Variants in ANKFN1 observed in about 807,000 individuals in gnomAD.
ANKFN1 encodes the protein ankyrin repeat and fibronectin type-III domain-containing protein 1.
ANKFN1 carries 74 observed loss-of-function variants against 108.7 expected under a neutral mutation model. The observed-to-expected ratio is 0.68, with a 90% CI of 0.56 to 0.83. ANKFN1 has a LOEUF of 0.83. ANKFN1 is among the 40% of genes least tolerant of loss of function. The pLI, the probability that ANKFN1 is intolerant of heterozygous loss-of-function variation, is 0.00. For missense variants in ANKFN1, 1,505 were observed against 1,382.3 expected, an observed-to-expected ratio of 1.09 and a Z score of -1.41; for synonymous variants, 547 against 516.2, an observed-to-expected ratio of 1.06 and a Z score of -0.81.
intron 3 of ANKFN1, among the ~76,000 whole-genome samples, chr17:56,250,508 T>C (rs1567863547): frequency 1.3e-5 from 2 of 152,234 alleles, no homozygotes; most frequent in Non-Finnish European, 2.9e-5. Flanking sequence ...CCAGGGAGCT[T>C]GATATTAATA....
chr17:56,087,871 C>A (rs1231273430), intron 4 of ANKFN1, among the ~76,000 whole-genome samples: 1 of 151,238 alleles, frequency 6.6e-6, no homozygotes, highest in African/African-American at 2.4e-5. Context: ...GCCTACAAAG[C>A]CCTTTACAGA....
chr17:56,051,627 T>C (rs1904776899), intron 4 of ANKFN1, among the ~76,000 whole-genome samples: 1 of 138,484 alleles, frequency 7.2e-6, no homozygotes, highest in Admixed American at 7.2e-5. Flanking sequence ...GGAAGTCAAA[T>C]TGTCCCTGTT....
chr17:56,132,237 A>G (rs1469330305), intron 4 of ANKFN1, among the ~76,000 whole-genome samples: 1 of 152,176 alleles, frequency 6.6e-6, no homozygotes, highest in Non-Finnish European at 1.5e-5. Context: ...CTCTCAGCTC[A>G]TTGAGGATGC....
At chr17:56,113,187 A>G (rs973968351) in intron 4 of ANKFN1, among the ~76,000 whole-genome samples, 9 of 152,194 alleles carry the variant, frequency 5.9e-5, no homozygotes, top group Admixed American at 2.0e-4. Flanking sequence ...CCTGGTGGGT[A>G]GAAAATCACA....
intron 1 of ANKFN1, among the ~76,000 whole-genome samples, chr17:56,154,710 G>GTTCCT (rs1908933032): frequency 6.6e-6 from 1 of 151,892 alleles, no homozygotes; most frequent in African/African-American, 2.4e-5. Flanking sequence ...TTTGGGGACA[G>GTTCCT]GAACTATACA....
At chr17:56,168,280 T>A (rs1040912837) in intron 1 of ANKFN1, among the ~76,000 whole-genome samples, 1 of 148,504 alleles carries the variant, frequency 6.7e-6, no homozygotes, top group Admixed American at 6.7e-5. Flanking sequence ...AAAAGGCTGA[T>A]GAGGATAATA....
At chr17:56,164,653 T>A (rs1458522531) in intron 1 of ANKFN1, among the ~76,000 whole-genome samples, 2 of 152,220 alleles carry the variant, frequency 1.3e-5, no homozygotes, top group Non-Finnish European at 2.9e-5. Flanking sequence ...GCAAAGTCTT[T>A]TTAACACAGT....
At chr17:56,425,406 A>G (rs1462892410) in intron 8 of ANKFN1, among the ~76,000 whole-genome samples, 1 of 152,156 alleles carries the variant, frequency 6.6e-6, no homozygotes, top group Non-Finnish European at 1.5e-5. Context: ...ACTCTCTCCA[A>G]TTTTCCTCCT....
chr17:56,266,585 G>T (rs2043658160), intron 3 of ANKFN1, among the ~76,000 whole-genome samples: 1 of 152,120 alleles, frequency 6.6e-6, no homozygotes, highest in Admixed American at 6.5e-5. Context: ...AGTGTGTCAG[G>T]CTACATGACC....
intron 3 of ANKFN1, among the ~76,000 whole-genome samples, chr17:56,262,182 G>A (rs2043528758): frequency 6.6e-6 from 1 of 152,260 alleles, no homozygotes; most frequent in African/African-American, 2.4e-5. Context: ...AGCTAGAGAG[G>A]ATTGAAGGCT....
chr17:56,387,823 T>C (rs1183278851), intron 8 of ANKFN1, among the ~76,000 whole-genome samples: 1 of 152,216 alleles, frequency 6.6e-6, no homozygotes, highest in Non-Finnish European at 1.5e-5. Context: ...TGCTGTCTTT[T>C]CTCTACCTGT....
intron 3 of ANKFN1, among the ~76,000 whole-genome samples, chr17:56,248,006 T>G (rs2043155880): frequency 6.6e-6 from 1 of 152,200 alleles, no homozygotes; most frequent in Non-Finnish European, 1.5e-5. Context: ...ATGCAACACA[T>G]TGTCATTTCA....
intron 3 of ANKFN1, among the ~76,000 whole-genome samples, chr17:56,277,910 T>A (rs2043975670): frequency 6.6e-6 from 1 of 152,188 alleles, no homozygotes; most frequent in Non-Finnish European, 1.5e-5. Context: ...AGTGGCATCA[T>A]CACAGGTGAC....
At chr17:56,055,047 G>A (rs1904843292) in intron 4 of ANKFN1, among the ~76,000 whole-genome samples, 1 of 151,448 alleles carries the variant, frequency 6.6e-6, no homozygotes, top group African/African-American at 2.4e-5. Flanking sequence ...AGGTGACTGT[G>A]GCAATTTCCT....
intron 8 of ANKFN1, among the ~76,000 whole-genome samples, chr17:56,390,802 G>T (rs2047405270): frequency 1.3e-5 from 2 of 152,072 alleles, no homozygotes; most frequent in South Asian, 4.1e-4. Context: ...GACCAACGAT[G>T]ATGAGCTTTT....
chr17:56,442,823 A>C lies in ANKFN1; in HGVS notation c.1009-20A>C. The C allele has an allele frequency of 6.2e-7, 1 of 1,610,508 alleles. No homozygotes were observed. Among genetic ancestry groups the C allele is most frequent in the Non-Finnish European group, 8.5e-7 (1 of 1,177,022 alleles). On this transcript the variant is annotated intron_variant, in intron 9 of 20. Transcript: ENST00000682825. ...AATGATTAAATAAAATGCCTGATGC[A>C]TCATTTCAATACTTTGCAGGGCCAA... is the stretch of plus-strand genomic sequence containing the variant.
chr17:56,316,549 A>G (rs951130870), intron 3 of ANKFN1, among the ~76,000 whole-genome samples: 4 of 152,180 alleles, frequency 2.6e-5, no homozygotes, highest in African/African-American at 9.7e-5. Flanking sequence ...GCAGTTAGCC[A>G]AGGGTAGAGG....
chr17:56,188,581 G>GTGTGTGTGTATATATATATATATATA (rs1212242378), intron 1 of ANKFN1, among the ~76,000 whole-genome samples: 1 of 49,652 alleles, frequency 2.0e-5, no homozygotes, highest in Non-Finnish European at 3.4e-5. Flanking sequence ...GTGTGTGTGT[G>GTGTGTGTGTATATATATATATATATA]TATATATATA....
At chr17:56,085,686 G>A (rs4793803) in intron 4 of ANKFN1, among the ~76,000 whole-genome samples, 93,164 of 150,926 alleles carry the variant, frequency 0.62, 31,103 homozygotes, top group Non-Finnish European at 0.73. Context: ...GGATGCGCAA[G>A]GGACTTTCAT....
Sources: gnomAD v4.1 joint callset for allele counts (sites outside exome capture counted in the v4.1 genomes callset) on GRCh38, gnomAD v4.1.1 for gene constraint, MANE v1.5 for transcripts, NCBI Gene and HGNC (gene_info 2026-07-23, HGNC 2026-07-21) for gene names.